GEN1: variants seen among roughly 807,000 people sequenced by gnomAD.
GEN1 encodes GEN1 structure-specific endonuclease.
Under a neutral mutation model 67.6 loss-of-function variants are expected in GEN1, and 64 were observed. That is an observed-to-expected ratio of 0.95 (90% CI 0.77 to 1.17). GEN1 has a LOEUF of 1.17. Ranked by LOEUF, GEN1 falls within the 50% of genes most tolerant of loss-of-function variation. The pLI is 0.00. For missense variants in GEN1, 1,058 were observed against 1,048.3 expected, an observed-to-expected ratio of 1.01 and a Z score of -0.13; for synonymous variants, 371 against 359.4, an observed-to-expected ratio of 1.03 and a Z score of -0.37.
At chr2:17,769,687 T>C (rs1672097247) in intron 6 of GEN1, among the ~76,000 whole-genome samples, 1 of 152,190 alleles carries the variant, frequency 6.6e-6, no homozygotes, top group Non-Finnish European at 1.5e-5. Flanking sequence ...TCGTTTAGTC[T>C]CTATAGTTGG....
At chr2:17,764,850 G>T in intron 3 of GEN1, 47 bp from the exon 4 acceptor site, 1 of 1,521,018 alleles carries the variant, frequency 6.6e-7, no homozygotes, top group East Asian at 2.3e-5. Context: ...AAATAAATGA[G>T]CAGTGAAAAC....
chr2:17,760,058 CAG>C lies in GEN1; in HGVS notation c.117_118del (p.Gln39HisfsTer45). 6.2e-7 allele frequency: 1 copy of C among 1,613,766 alleles called. No individual in the cohort carries two copies. On this transcript the variant is annotated frameshift_variant, in exon 2 of 14. Coordinates refer to ENST00000381254, the MANE Select transcript of GEN1 (RefSeq NM_001130009.3). LOFTEE classifies it high-confidence loss of function. The part of the protein sequence containing the change: ...VDLSLWVCEA[Q>X]TVKKMMGSVM... ...TCTGAGTCTCTGGGTGTGTGAGGCA[CAG>C]ACAGTCAAAAAAATGATGGGCAGCG...
chr2:17,755,517 G>T (rs1037465202), intron 1 of GEN1: 31 of 152,158 alleles, frequency 2.0e-4, no homozygotes, highest in African/African-American at 7.2e-4. Flanking sequence ...AAATAAAATT[G>T]AAAAAATAAT....
At chr2:17,762,166 T>C (rs1246547511) in intron 3 of GEN1, among the ~76,000 whole-genome samples, 4 of 150,026 alleles carry the variant, frequency 2.7e-5, no homozygotes, top group Non-Finnish European at 5.9e-5. Flanking sequence ...ATTAAAACAA[T>C]AGGAAGCTTT....
Position 17,781,910 on chromosome 2 carries a change from A to T in GEN1, c.2698A>T (p.Arg900Ter). Reference sequence around the variant, plus strand: ...GGATAGCCCTCTTCCTTTACGCCAGAGATTAAAACTAAGATTCCAAAGCAC... The same window carrying T: ...GGATAGCCCTCTTCCTTTACGCCAGTGATTAAAACTAAGATTCCAAAGCAC... ...CLDSPLPLRQ[R>*]LKLRFQST The change falls in exon 14 of 14, where the codon AGA becomes TGA. Residue 900 changes from arginine (R) to a stop codon, truncating the protein, a stop_gained. Coordinates refer to ENST00000381254, the MANE Select transcript of GEN1 (RefSeq NM_001130009.3). LOFTEE classifies it high-confidence loss of function. The T allele has an allele frequency of 6.4e-7, 1 of 1,562,286 alleles. No individual in the cohort carries two copies. Among genetic ancestry groups the T allele is most frequent in the Non-Finnish European group, 8.6e-7 (1 of 1,160,542 alleles).
chr2:17,772,658 A>G lies in GEN1; in HGVS notation c.827A>G (p.Asn276Ser), dbSNP rs762442199. Residue 276 changes from asparagine (N) to serine (S), a missense_variant, in exon 8 of 14, where the codon AAT becomes AGT. Asn to Ser is a conservative substitution (Grantham distance 46). Transcript: ENST00000381254. ...GGTTCACCTAAGGATCATGAACGTA[A>G]TGGATGCAGATTATGTAAAAGTGAT... ...HPGSPKDHER[N>S]GCRLCKSDKY... 1 of 1,611,106 alleles carries G rather than the reference A, an allele frequency of 6.2e-7. No individual in the cohort carries two copies. Among genetic ancestry groups the G allele is most frequent in the African/African-American group, 1.3e-5 (1 of 74,938 alleles).
intron 12 of GEN1, among the ~76,000 whole-genome samples, chr2:17,779,042 C>T (rs997654477): frequency 1.3e-5 from 2 of 152,180 alleles, no homozygotes. Flanking sequence ...CCTGCCTCAG[C>T]CTCCCAAGTA....
intron 3 of GEN1, 58 bp downstream of exon 3, chr2:17,761,640 C>A: frequency 8.4e-7 from 1 of 1,183,802 alleles, no homozygotes; most frequent in Non-Finnish European, 1.2e-6. Flanking sequence ...GCATTTTACT[C>A]TTAATAGTTT....
At chr2:17,779,942 A>G (rs1412657587) in intron 12 of GEN1, 36 bp from the exon 13 acceptor site, 2 of 1,552,598 alleles carry the variant, frequency 1.3e-6, no homozygotes, top group South Asian at 2.3e-5. Flanking sequence ...TTAAATGCCT[A>G]ATTAAGGACA....
chr2:17,755,170 A>G (rs916677761), intron 1 of GEN1: 1 of 152,230 alleles, frequency 6.6e-6, no homozygotes, highest in Non-Finnish European at 1.5e-5. Flanking sequence ...AAAATATGAC[A>G]TAGTCAAAAT....
intron 13 of GEN1, among the ~76,000 whole-genome samples, 169 bp from the exon 14 acceptor site, chr2:17,780,452 A>G (rs528685811): frequency 1.3e-5 from 2 of 152,338 alleles, no homozygotes; most frequent in African/African-American, 4.8e-5. Context: ...ACTCAATTAT[A>G]ACATTGTTTT....
In GEN1 at chr2:17,774,184, T is replaced by C. The variant is rs1345708069; in HGVS notation, c.1072-87T>C. 10 of 637,728 alleles carry C rather than the reference T, an allele frequency of 1.6e-5. No individual in the cohort carries two copies. In the South Asian group the frequency reaches 4.1e-4, roughly 26 times the overall value. 39.5% of individuals were successfully genotyped at this position (637,728 alleles called of 1,614,324 possible). On this transcript the variant is annotated intron_variant, in intron 10 of 13. Coordinates refer to ENST00000381254, the MANE Select transcript of GEN1 (RefSeq NM_001130009.3). ...ATACTACTTTAACTTACGTTAATTCTAAAGGAAAAAATATTAATATCACCT... is the reference window on the plus strand; with the variant it reads ...ATACTACTTTAACTTACGTTAATTCCAAAGGAAAAAATATTAATATCACCT...
At position 17,778,403 on chromosome 2, in the gene GEN1, T is replaced by TACAC. The variant is rs372434975; in HGVS notation, c.1264+344_1264+347dup. On this transcript the variant is annotated intron_variant, in intron 12 of 13. Transcript: ENST00000381254. ...ATATATGTGTGTACATATATGTATA[T>TACAC]ACACACATATATGTGTGTACATATA... Among the ~76,000 whole-genome samples the TACAC allele has an allele frequency of 9.5e-5, 4 of 42,158 alleles. 2 individuals are homozygous for TACAC. The highest frequency in any genetic ancestry group is 2.0e-4 in the Non-Finnish European group (4 of 20,270). 27.7% of individuals were successfully genotyped at this position (42,158 alleles called of 152,430 possible).
chr2:17,758,609 T>G (rs1354555549), intron 1 of GEN1, among the ~76,000 whole-genome samples: 1 of 152,132 alleles, frequency 6.6e-6, no homozygotes, highest in Non-Finnish European at 1.5e-5. Flanking sequence ...AATACTTTCT[T>G]TACCTTTAAG....
rs1167512768 is a variant in GEN1 at position 17,785,811 on chromosome 2, T to A, written c.*3872T>A. 6.6e-6 allele frequency: 1 copy of A among 152,326 alleles called. No individual in the cohort carries two copies. Among genetic ancestry groups the A allele is most frequent in the Non-Finnish European group, 1.5e-5 (1 of 68,192 alleles). 9.4% of individuals were successfully genotyped at this position (152,326 alleles called of 1,614,324 possible). A position where few individuals can be genotyped will look rare whatever the true frequency, so the allele number is the denominator to read the frequency against. On this transcript the variant is annotated 3_prime_UTR_variant, in exon 14 of 14. Coordinates refer to ENST00000381254, the MANE Select transcript of GEN1 (RefSeq NM_001130009.3). ...CGGGAAGCTGAGGCAGGAGAATCGC[T>A]TGAACCTGGGAGGCAGAGGTTGCAG...
At chr2:17,753,872 T>G (rs909551053), upstream of GEN1, 6 of 152,360 alleles carry the variant, frequency 3.9e-5, no homozygotes, top group African/African-American at 1.4e-4. Context: ...TTGCGGGGTT[T>G]CGCGCCGCCG....
intron 1 of GEN1, among the ~76,000 whole-genome samples, chr2:17,757,232 G>C (rs1671470453): frequency 6.7e-6 from 1 of 149,544 alleles, no homozygotes. Flanking sequence ...TCCAATAATC[G>C]AATCAGTGCT....
chr2:17,771,388 G>C (rs1389898535), intron 7 of GEN1, 101 bp downstream of exon 7: 1 of 740,168 alleles, frequency 1.4e-6, no homozygotes, highest in African/African-American at 1.8e-5. Context: ...TACTTTGAAG[G>C]GTTTTACATT....
intron 6 of GEN1, among the ~76,000 whole-genome samples, chr2:17,769,445 T>A (rs945302509): frequency 6.6e-6 from 1 of 152,148 alleles, no homozygotes; most frequent in Admixed American, 6.6e-5. Flanking sequence ...TCAAGTGCAT[T>A]TATGTATGAC....
Sources: allele counts gnomAD v4.1 joint callset (sites outside exome capture counted in the v4.1 genomes callset), GRCh38; gene constraint gnomAD v4.1.1; transcripts MANE v1.5; gene names NCBI Gene and HGNC (gene_info 2026-07-23, HGNC 2026-07-21).